NPHS1: variants seen among roughly 807,000 people sequenced by gnomAD.
NPHS1 encodes the protein nephrin.
Under a neutral mutation model 139.7 loss-of-function variants are expected in NPHS1, and 107 were observed. That is an observed-to-expected ratio of 0.77 (90% CI 0.66 to 0.90). The LOEUF is 0.90. Among genes scored for constraint, NPHS1 ranks in the 40% least tolerant of loss-of-function variants. NPHS1 has a pLI of 0.00. For missense variants in NPHS1, 1,580 were observed against 1,654.2 expected (o/e 0.96, Z 0.78); for synonymous variants, 707 against 706.6 (o/e 1.00, Z -0.01).
In NPHS1 at chr19:35,845,758, T is replaced by A. The variant is rs1973130675; in HGVS notation, c.1668A>T (p.Ala556=). 1.2e-6 allele frequency: 2 copies of A among 1,614,100 alleles called. No individual in the cohort carries two copies. The highest frequency in any genetic ancestry group is 2.7e-5 in the African/African-American group (2 of 75,052). ...AGTTTAAGGCGTCTCCCGGGCGCAG[T>A]GCGGATGCGTTGGCCAGGATCGTCA... ...TNVTILANAS[A]LRPGDALNLT... Residue 556 remains alanine, a synonymous_variant, in exon 13 of 29, where the codon GCA becomes GCT. Transcript: ENST00000378910. This position sits in a 1 kb window ranked among gnomAD's most constrained non-coding sequence, Gnocchi z 5.5.
intron 20 of NPHS1, among the ~76,000 whole-genome samples, chr19:35,841,316 T>G (rs1047791516): frequency 6.6e-6 from 1 of 152,000 alleles, no homozygotes; most frequent in Non-Finnish European, 1.5e-5. Context: ...GAGGTTGCAG[T>G]GAGCCAAGAT....
chr19:35,844,162 T>C lies in NPHS1; in HGVS notation c.2153A>G (p.Gln718Arg). 6.2e-7 allele frequency: 1 copy of C among 1,610,736 alleles called. No homozygotes were observed. Among genetic ancestry groups the C allele is most frequent in the Non-Finnish European group, 8.5e-7 (1 of 1,180,004 alleles). Reference protein sequence around the residue: ...NVTRADDGLYQLHCQNSEGTA... With the variant: ...NVTRADDGLYRLHCQNSEGTA... ...GCCCTCAGAGTTCTGGCAGTGCAGC[T>C]GATAGAGGCCGTCGTCCGCGCGGGT... Residue 718 changes from glutamine (Q) to arginine (R), a missense_variant, in exon 16 of 29, where the codon CAG (glutamine) becomes CGG (arginine). Coordinates refer to ENST00000378910, the MANE Select transcript of NPHS1 (RefSeq NM_004646.4).
chr19:35,830,094 T>C (rs192952131), intron 28 of NPHS1, among the ~76,000 whole-genome samples: 34 of 152,334 alleles, frequency 2.2e-4, no homozygotes, highest in Admixed American at 2.2e-3. Flanking sequence ...GGAGTAGATA[T>C]GGCTAATTAT....
In NPHS1 at chr19:35,845,489, G is replaced by A; in HGVS notation, c.1809C>T (p.Ala603=). 1 of 1,613,790 alleles carries A rather than the reference G, an allele frequency of 6.2e-7. No homozygotes were observed. The highest frequency in any genetic ancestry group is 1.1e-5 in the South Asian group (1 of 91,072). ...PPRRAPFKGS[A]AARSVLLQVS... is the part of the protein sequence containing the mutation. ...CTTGCAGAAGGACGCTCCTGGCGGC[G>A]GCGGAGCCTTTGAATGGGGCTCTCC... Residue 603 remains alanine (A), a synonymous_variant, in exon 14 of 29, where the codon GCC becomes GCT. Coordinates refer to ENST00000378910, the MANE Select transcript of NPHS1 (RefSeq NM_004646.4). This position sits in a 1 kb window ranked among gnomAD's most constrained non-coding sequence, Gnocchi z 5.5.
In NPHS1 at chr19:35,845,496, C is replaced by T; in HGVS notation, c.1802G>A (p.Gly601Asp). 1 of 1,613,460 alleles carries T rather than the reference C, an allele frequency of 6.2e-7. No homozygotes were observed. Among genetic ancestry groups the T allele is most frequent in the African/African-American group, 1.3e-5 (1 of 75,054 alleles). The change falls in exon 14 of 29, where the codon GGC (glycine) becomes GAC (aspartate). Residue 601 changes from glycine (G) to aspartate (D), a missense_variant. By Grantham distance (94) the Gly-to-Asp change is moderately conservative (BLOSUM62 -1). Transcript: ENST00000378910. This position sits in a 1 kb window ranked among gnomAD's most constrained non-coding sequence, Gnocchi z 5.5. ...AAPPRRAPFKGSAAARSVLLQ... is the reference protein window; with the variant it reads ...AAPPRRAPFKDSAAARSVLLQ... ...AAGGACGCTCCTGGCGGCGGCGGAG[C>T]CTTTGAATGGGGCTCTCCGGGGTGG...
Position 35,849,540 on chromosome 19 carries a change from C to T in NPHS1, c.712+10G>A. The T allele has an allele frequency of 6.2e-7, 1 of 1,611,912 alleles. No individual in the cohort carries two copies. The highest frequency in any genetic ancestry group is 8.5e-7 in the Non-Finnish European group (1 of 1,178,022). The stretch of plus-strand genomic sequence containing the variant: ...CCTCAGCGCCCTAGTTGGCCCAGTT[C>T]TCCACTTACACAGAACATTCACGGT... On this transcript the variant is annotated intron_variant, in intron 6 of 28. Transcript: ENST00000378910.
intron 11 of NPHS1, among the ~76,000 whole-genome samples, chr19:35,847,653 G>A (rs1279163539): frequency 1.3e-5 from 2 of 150,282 alleles, no homozygotes; most frequent in African/African-American, 2.5e-5. Context: ...ACTGTGCCCA[G>A]CCAAATTTTA....
At position 35,845,448 on chromosome 19, in the gene NPHS1, T is replaced by C. The variant is rs764058957; in HGVS notation, c.1850A>G (p.His617Arg). The C allele has an allele frequency of 3.1e-6, 5 of 1,614,038 alleles. No homozygotes were observed. The highest frequency in any genetic ancestry group is 4.2e-6 in the Non-Finnish European group (5 of 1,180,034). ...SVLLQVSSRD[H>R]GQRVTCRAHS... The stretch of plus-strand genomic sequence containing the variant: ...GGCGCGGCAGGTCACGCGCTGGCCA[T>C]GATCGCGGGATGACACTTGCAGAAG... The change falls in exon 14 of 29, where the codon CAT becomes CGT. Residue 617 changes from histidine to arginine, a missense_variant. Transcript: ENST00000378910. This position sits in a 1 kb window ranked among gnomAD's most constrained non-coding sequence, Gnocchi z 5.5.
chr19:35,828,284 G>A (rs1359149485), intron 28 of NPHS1, among the ~76,000 whole-genome samples: 2 of 149,210 alleles, frequency 1.3e-5, no homozygotes, highest in African/African-American at 5.0e-5. Flanking sequence ...CTTTTTTTTT[G>A]AGACGGAGTC....
intron 6 of NPHS1, 48 bp downstream of exon 6, chr19:35,849,502 G>T (rs1163037653): frequency 6.3e-7 from 1 of 1,592,252 alleles, no homozygotes; most frequent in Admixed American, 1.7e-5. Context: ...ACCCCCCAGT[G>T]CCTGCTCCCC....
Position 35,831,159 on chromosome 19 carries a change from C to G in NPHS1, c.3388-13G>C. ...CTGTTGTGCTGACCTGTTCCCCACA[C>G]GCAAAACAAACAAAGCCCTTTCCAT... On this transcript the variant is annotated splice_polypyrimidine_tract_variant and intron_variant, in intron 26 of 28. Transcript: ENST00000378910. 6.2e-7 allele frequency: 1 copy of G among 1,613,662 alleles called. No homozygotes were observed. Among genetic ancestry groups the G allele is most frequent in the Non-Finnish European group, 8.5e-7 (1 of 1,179,834 alleles).
At position 35,849,262 on chromosome 19, in the gene NPHS1, G is replaced by C; in HGVS notation, c.814C>G (p.Pro272Ala). ...ELPCVARGGN[P>A]LATLQWLKNG... ...TTCAGCCACTGCAGTGTGGCTAAGGGATTACCCCCTCGGGCCACGCACGGC... is the reference window on the plus strand; with the variant it reads ...TTCAGCCACTGCAGTGTGGCTAAGGCATTACCCCCTCGGGCCACGCACGGC... Residue 272 changes from proline (P) to alanine (A), a missense_variant, in exon 7 of 29, where the codon CCC becomes GCC. Coordinates refer to ENST00000378910, the MANE Select transcript of NPHS1 (RefSeq NM_004646.4). The C allele has an allele frequency of 6.2e-7, 1 of 1,613,832 alleles. No individual in the cohort carries two copies. Among genetic ancestry groups the C allele is most frequent in the South Asian group, 1.1e-5 (1 of 91,074 alleles).
chr19:35,833,627 G>C (rs1315040355), intron 23 of NPHS1, among the ~76,000 whole-genome samples: 1 of 152,168 alleles, frequency 6.6e-6, no homozygotes, highest in Non-Finnish European at 1.5e-5. Context: ...GTGAGAAACA[G>C]ATCGCTGGTG....
chr19:35,843,395 C>T, intron 17 of NPHS1, 77 bp downstream of exon 17: 6 of 1,561,238 alleles, frequency 3.8e-6, no homozygotes, highest in Non-Finnish European at 5.3e-6. Context: ...TATGTGGTCC[C>T]CACTCCCAAG....
intron 15 of NPHS1, 25 bp from the exon 16 acceptor site, chr19:35,844,268 C>A: frequency 1.2e-6 from 2 of 1,613,772 alleles, no homozygotes; most frequent in Admixed American, 1.7e-5. Context: ...AATAAGGGAC[C>A]TGGCAGGACC....
chr19:35,831,198 T>G, intron 26 of NPHS1, 52 bp from the exon 27 acceptor site: 1 of 1,608,640 alleles, frequency 6.2e-7, no homozygotes, highest in South Asian at 1.1e-5. Flanking sequence ...CTGACCCCAC[T>G]GTGCCCGGAA....
At position 35,841,704 on chromosome 19, in the gene NPHS1, C is replaced by G; in HGVS notation, c.2815+11G>C. On this transcript the variant is annotated intron_variant, in intron 20 of 28. Coordinates refer to ENST00000378910, the MANE Select transcript of NPHS1 (RefSeq NM_004646.4). ...CACCCCCTCCCCAACACCCTCACAG[C>G]CCCTCCATACTGATGCTGACAAGTT... is the stretch of plus-strand genomic sequence containing the variant. The G allele has an allele frequency of 6.2e-7, 1 of 1,614,114 alleles. No homozygotes were observed. The highest frequency in any genetic ancestry group is 8.5e-7 in the Non-Finnish European group (1 of 1,179,992).
rs766127557 is a variant in NPHS1, at chr19:35,843,709, C to T, written c.2213-116G>A. The T allele has an allele frequency of 3.7e-6, 5 of 1,341,448 alleles. No individual in the cohort carries two copies. In the East Asian group the frequency reaches 1.2e-4, roughly 31 times the overall value. 83.1% of individuals were successfully genotyped at this position (1,341,448 alleles called of 1,614,324 possible). On this transcript the variant is annotated intron_variant, in intron 16 of 28. Transcript: ENST00000378910. The stretch of plus-strand genomic sequence containing the variant: ...TCCAGGAAAGTTATGGGTGTGGACA[C>T]AATCTGCCCTTAATACCAAAGGGTT...
At chr19:35,829,268 A>G (rs28489596) in intron 28 of NPHS1, among the ~76,000 whole-genome samples, 34,822 of 152,216 alleles carry the variant, frequency 0.23, 4,136 homozygotes, top group Middle Eastern at 0.31. Context: ...GACCCAAGCT[A>G]GACCAATTAA....
Sources: gnomAD v4.1 joint callset for allele counts (sites outside exome capture counted in the v4.1 genomes callset) on GRCh38, gnomAD v4.1.1 for gene constraint, Gnocchi (gnomAD v3.1) non-coding constraint, MANE v1.5 for transcripts, NCBI Gene and HGNC (gene_info 2026-07-23, HGNC 2026-07-21) for gene names.